Variants in LRRIQ3 observed in about 807,000 individuals in gnomAD.
LRRIQ3 encodes the protein leucine-rich repeat and IQ domain-containing protein 3.
LRRIQ3 carries 75 observed loss-of-function variants against 59.3 expected under a neutral mutation model. That is an observed-to-expected ratio of 1.26 (90% confidence interval 1.05 to 1.53). The LOEUF (loss-of-function observed/expected upper bound fraction) is 1.53. LRRIQ3 is among the 40% of genes most tolerant of loss of function. The pLI, the probability that LRRIQ3 is intolerant of heterozygous loss-of-function variation, is 0.00. For synonymous variants in LRRIQ3, 250 were observed against 231.3 expected (o/e 1.08, Z -0.73); for missense variants, 831 against 710.0 (o/e 1.17, Z -1.94).
chr1:74,069,098 T>C (rs1456825318), intron 6 of LRRIQ3, among the ~76,000 whole-genome samples: 1 of 152,126 alleles, frequency 6.6e-6, no homozygotes, highest in Non-Finnish European at 1.5e-5. Flanking sequence ...AATTAAACTT[T>C]TGACCTTTTT....
chr1:74,078,002 T>C (rs1271015034), intron 5 of LRRIQ3, among the ~76,000 whole-genome samples: 2 of 151,952 alleles, frequency 1.3e-5, no homozygotes, highest in African/African-American at 4.8e-5. Flanking sequence ...GAAAATATTT[T>C]AAGGATATTT....
At chr1:74,098,926 G>A (rs892384955) in intron 5 of LRRIQ3, among the ~76,000 whole-genome samples, 1 of 152,158 alleles carries the variant, frequency 6.6e-6, no homozygotes, top group Non-Finnish European at 1.5e-5. Flanking sequence ...GAAATTTATA[G>A]CACCAAATGC....
Position 74,026,844 on chromosome 1 carries a change from T to A in LRRIQ3, c.1844A>T (p.Asp615Val), listed in dbSNP as rs747895791. Residue 615 changes from aspartate to valine, a missense_variant, in exon 8 of 8, where the codon GAC (aspartate) becomes GTC (valine). Physicochemically the swap from Asp to Val is radical, Grantham distance 152. Transcript: ENST00000354431. The stretch of plus-strand genomic sequence containing the variant: ...TATCAGTCCATTGGGAACTTTAAAG[T>A]CTAAATTTGTTTTCACAATTGCTAC... ...TKVAIVKTNL[D>V]FKVPNGLIK The A allele has an allele frequency of 2.7e-5, 44 of 1,608,188 alleles. 1 individual carries two copies. In the South Asian group the frequency reaches 4.9e-4, roughly 18 times the overall value.
At chr1:74,119,684 C>A (rs1020544891) in intron 4 of LRRIQ3, among the ~76,000 whole-genome samples, 2 of 151,992 alleles carry the variant, frequency 1.3e-5, no homozygotes, top group African/African-American at 4.8e-5. Flanking sequence ...TTAAATAAAT[C>A]ATCCTTTCCC....
intron 4 of LRRIQ3, among the ~76,000 whole-genome samples, chr1:74,131,690 A>G (rs1297798193): frequency 6.6e-6 from 1 of 152,202 alleles, no homozygotes; most frequent in African/African-American, 2.4e-5. Context: ...TCATGCTAAG[A>G]ACTCTCAATA....
intron 4 of LRRIQ3, among the ~76,000 whole-genome samples, chr1:74,137,585 A>G (rs961310085): frequency 1.3e-5 from 2 of 152,084 alleles, no homozygotes; most frequent in African/African-American, 4.8e-5. Flanking sequence ...CAGCAATCCC[A>G]TTATGGAGTA....
At position 74,170,875 on chromosome 1, in the gene LRRIQ3, C is replaced by T. The variant is rs1353933749; in HGVS notation, c.573+11663G>A. Among the ~76,000 whole-genome samples the T allele has an allele frequency of 4.5e-4, 69 of 152,144 alleles. 1 individual carries two copies. The highest frequency in any genetic ancestry group is 2.1e-4 in the South Asian group (1 of 4,820). The stretch of plus-strand genomic sequence containing the variant: ...TTAGTGTTTTATAGTTTTCAGTGTA[C>T]AAGTTTTCACCTCCTTGGATAGGTT... On this transcript the variant is annotated intron_variant, in intron 3 of 7. Coordinates refer to ENST00000354431, the MANE Select transcript of LRRIQ3 (RefSeq NM_001105659.2).
chr1:74,056,775 A>G (rs1365010562), intron 6 of LRRIQ3, among the ~76,000 whole-genome samples: 1 of 152,164 alleles, frequency 6.6e-6, no homozygotes, highest in East Asian at 1.9e-4. Flanking sequence ...GTATTGTTAA[A>G]ATGTCCATAC....
intron 3 of LRRIQ3, among the ~76,000 whole-genome samples, chr1:74,165,034 T>A (rs1347195351): frequency 6.6e-6 from 1 of 151,596 alleles, no homozygotes; most frequent in Non-Finnish European, 1.5e-5. Flanking sequence ...GCCCATGTGT[T>A]ATCAATACCA....
At chr1:74,074,585 C>T (rs180859542) in intron 6 of LRRIQ3, 76 bp downstream of exon 6, 3 of 650,966 alleles carry the variant, frequency 4.6e-6, no homozygotes, top group Admixed American at 8.7e-5. Flanking sequence ...AATCAACATG[C>T]CCAATTTCTA....
Position 74,079,920 on chromosome 1 carries a change from T to G in LRRIQ3, c.868-5130A>C, listed in dbSNP as rs549828188. On this transcript the variant is annotated intron_variant, in intron 5 of 7. Transcript: ENST00000354431. Reference sequence around the variant, plus strand: ...ATTCTCTTCTTTTCTTCCTGAATTCTTTCACATCTTTTTGTTACTCCAAAG... The same window carrying G: ...ATTCTCTTCTTTTCTTCCTGAATTCGTTCACATCTTTTTGTTACTCCAAAG... Among the ~76,000 whole-genome samples the G allele has an allele frequency of 2.0e-5, 3 of 151,904 alleles. No individual in the cohort carries two copies. In the South Asian group the frequency reaches 6.2e-4, roughly 31 times the overall value.
rs1214171160 is a variant in LRRIQ3 at position 74,182,791 on chromosome 1, T to C, written c.320A>G (p.Asn107Ser). 1.9e-6 allele frequency: 3 copies of C among 1,609,988 alleles called. No homozygotes were observed. Among genetic ancestry groups the C allele is most frequent in the Admixed American group, 1.7e-5 (1 of 59,638 alleles). ...TATATTCTTTAACTTTGCAAACCCATTGTCATGAAGATAGAGTAGTTTTAG... is the reference window on the plus strand; with the variant it reads ...TATATTCTTTAACTTTGCAAACCCACTGTCATGAAGATAGAGTAGTTTTAG... The part of the protein sequence containing the change: ...KNLKLLYLHD[N>S]GFAKLKNICV... The change falls in exon 3 of 8, where the codon AAT (asparagine) becomes AGT (serine). Residue 107 changes from asparagine (N) to serine (S), a missense_variant. Asn to Ser is a conservative substitution (Grantham distance 46). Coordinates refer to ENST00000354431, the MANE Select transcript of LRRIQ3 (RefSeq NM_001105659.2).
At chr1:74,182,936 C>G (rs948257157) in intron 2 of LRRIQ3, 75 bp from the exon 3 acceptor site, 12 of 765,450 alleles carry the variant, frequency 1.6e-5, no homozygotes, top group Admixed American at 1.0e-4. Context: ...TAAAATATTA[C>G]ACATATAAAA....
intron 5 of LRRIQ3, among the ~76,000 whole-genome samples, chr1:74,098,390 C>G (rs532624653): frequency 1.1e-4 from 16 of 152,130 alleles, no homozygotes; most frequent in African/African-American, 3.4e-4. Flanking sequence ...ACAGGAGCAC[C>G]CAGATTCATA....
intron 6 of LRRIQ3, among the ~76,000 whole-genome samples, chr1:74,052,718 T>C (rs986237264): frequency 6.6e-6 from 1 of 152,108 alleles, no homozygotes; most frequent in African/African-American, 2.4e-5. Flanking sequence ...TCTCTTATTA[T>C]ATAACAATTA....
chr1:74,111,930 T>A (rs1343724832), intron 4 of LRRIQ3, among the ~76,000 whole-genome samples: 1 of 152,098 alleles, frequency 6.6e-6, no homozygotes, highest in Non-Finnish European at 1.5e-5. Flanking sequence ...AGATATTATG[T>A]CAGGAAAGAA....
At chr1:74,030,623 A>G (rs1470750680) in intron 7 of LRRIQ3, among the ~76,000 whole-genome samples, 3 of 152,324 alleles carry the variant, frequency 2.0e-5, no homozygotes, top group Non-Finnish European at 4.4e-5. Context: ...AGATGGATTA[A>G]AGACTTAAAT....
In LRRIQ3 at chr1:74,088,960, A is replaced by G. The variant is rs183682572; in HGVS notation, c.868-14170T>C. ...CAAGAATATGTAAAGAATTCTCACA[A>G]CTCAATAATAAAAAGATAATCTATT... On this transcript the variant is annotated intron_variant, in intron 5 of 7. Coordinates refer to ENST00000354431, the MANE Select transcript of LRRIQ3 (RefSeq NM_001105659.2). Among the ~76,000 whole-genome samples the G allele has an allele frequency of 7.4e-4, 112 of 152,198 alleles. 1 individual carries two copies. In the East Asian group the frequency reaches 0.021, roughly 28 times the overall value.
intron 6 of LRRIQ3, chr1:74,050,678 C>A (rs1224381154): frequency 2.3e-6 from 1 of 437,048 alleles, no homozygotes; most frequent in African/African-American, 2.2e-5. Context: ...ACTGGCCTGA[C>A]ACCTTTGCAC....
Sources: allele counts gnomAD v4.1 joint callset (sites outside exome capture counted in the v4.1 genomes callset), GRCh38; gene constraint gnomAD v4.1.1; transcripts MANE v1.5; gene names NCBI Gene and HGNC (gene_info 2026-07-23, HGNC 2026-07-21).